NOL4: variants seen among roughly 807,000 people sequenced by gnomAD.
The protein encoded by NOL4 is nucleolar protein 4, also known as cancer/testis antigen 125.
NOL4 carries 17 observed loss-of-function variants against 75.9 expected under a neutral mutation model. That is an observed-to-expected ratio of 0.22 (90% CI 0.15 to 0.34). NOL4 has a LOEUF of 0.34. Ranked by LOEUF, NOL4 falls within the 10% of genes least tolerant of loss-of-function variation. The probability of loss-of-function intolerance (pLI) is 1.00; values close to 1 mark genes in which losing one functional copy is unlikely to be tolerated. For synonymous variants in NOL4, 292 were observed against 289.9 expected (o/e 1.01, Z -0.07); for missense variants, 614 against 793.5 (o/e 0.77, Z 2.72).
chr18:34,103,761 G>T lies in NOL4; in HGVS notation c.639+286C>A, dbSNP rs919116925. The stretch of plus-strand genomic sequence containing the variant: ...GAACTTACCCCCTCTGAACTTTGTA[G>T]CACTTTACCAAGGCCAGCTCAGTGA... On this transcript the variant is annotated intron_variant, in intron 4 of 10. Transcript: ENST00000261592. Among the ~76,000 whole-genome samples the T allele has an allele frequency of 2.0e-5, 3 of 151,866 alleles. No homozygotes were observed. In the South Asian group the frequency reaches 6.2e-4, roughly 31 times the overall value.
At chr18:34,015,551 C>A in intron 6 of NOL4, among the ~76,000 whole-genome samples, 1 of 151,984 alleles carries the variant, frequency 6.6e-6, no homozygotes, top group East Asian at 1.9e-4. Context: ...TTTTATATCA[C>A]TTGTTCCTAA....
chr18:33,969,237 T>A (rs1049092282), intron 6 of NOL4, among the ~76,000 whole-genome samples: 1 of 152,194 alleles, frequency 6.6e-6, no homozygotes, highest in African/African-American at 2.4e-5. Flanking sequence ...ATATAATTCA[T>A]TCCTCTTCAT....
chr18:33,909,846 T>G (rs180720767), intron 9 of NOL4, among the ~76,000 whole-genome samples: 1 of 150,272 alleles, frequency 6.7e-6, no homozygotes, highest in African/African-American at 2.5e-5. Context: ...AAAAAAAAAA[T>G]TATTTCATGC....
chr18:33,970,826 A>G (rs1335147486), intron 6 of NOL4, among the ~76,000 whole-genome samples: 2 of 152,052 alleles, frequency 1.3e-5, no homozygotes, highest in Non-Finnish European at 2.9e-5. Context: ...CTGGACAATT[A>G]TATGTTTGAT....
At chr18:33,986,116 T>G (rs2072431288) in intron 6 of NOL4, among the ~76,000 whole-genome samples, 1 of 152,142 alleles carries the variant, frequency 6.6e-6, no homozygotes, top group Non-Finnish European at 1.5e-5. Flanking sequence ...ATACGAACTT[T>G]CTAATTATGT....
intron 6 of NOL4, among the ~76,000 whole-genome samples, chr18:34,006,744 T>A (rs2074049798): frequency 6.6e-6 from 1 of 152,054 alleles, no homozygotes; most frequent in Admixed American, 6.6e-5. Context: ...TTGGTCTTAC[T>A]ATGTTCCCTA....
chr18:34,072,518 CTT>C (rs558597655), intron 5 of NOL4, among the ~76,000 whole-genome samples: 130 of 152,074 alleles, frequency 8.5e-4, no homozygotes, highest in Non-Finnish European at 1.6e-3. Context: ...TTTAACATGT[CTT>C]TATGGCAAAT....
chr18:34,031,500 ACTT>A (rs756407670), intron 5 of NOL4, among the ~76,000 whole-genome samples: 6 of 152,088 alleles, frequency 3.9e-5, no homozygotes, highest in Non-Finnish European at 8.8e-5. Context: ...TAATCCACTA[ACTT>A]CTTATTGATT....
rs145045791 is a variant in NOL4, at chr18:33,985,813, T to G, written c.1057-27395A>C. Among the ~76,000 whole-genome samples, 629 of 152,268 alleles carry G rather than the reference T, an allele frequency of 4.1e-3. 3 individuals are homozygous for G. The highest frequency in any genetic ancestry group is 0.014 in the African/African-American group (598 of 41,582). ...ATGAAATACAGAAGTAGATTTAAAA[T>G]GAATGCAAAGTTCTGACTTCCTTAA... is the stretch of plus-strand genomic sequence containing the variant. On this transcript the variant is annotated intron_variant, in intron 6 of 10. Coordinates refer to ENST00000261592, the MANE Select transcript of NOL4 (RefSeq NM_003787.5).
chr18:33,920,707 G>A (rs1346467893), intron 9 of NOL4, among the ~76,000 whole-genome samples: 1 of 152,208 alleles, frequency 6.6e-6, no homozygotes, highest in East Asian at 1.9e-4. Context: ...GGAAGAATGT[G>A]TAAAGAATAC....
In NOL4 at chr18:33,908,292, C is replaced by A. The variant is rs1042752015; in HGVS notation, c.1543-24868G>T. ...AGTAAATTTTCATCTTTTCATATTT[C>A]TTTTCGAGCAAGTAGAAAAACTTGG... On this transcript the variant is annotated intron_variant, in intron 9 of 10. Coordinates refer to ENST00000261592, the MANE Select transcript of NOL4 (RefSeq NM_003787.5). 2.0e-5 allele frequency among the ~76,000 whole-genome samples: 3 copies of A among 152,118 alleles called. No homozygotes were observed. The East Asian group carries it at 5.8e-4, about 29-fold the overall frequency.
intron 10 of NOL4, among the ~76,000 whole-genome samples, chr18:33,857,787 A>G (rs1420091298): frequency 6.6e-6 from 1 of 152,128 alleles, no homozygotes; most frequent in African/African-American, 2.4e-5. Flanking sequence ...CCACAATACA[A>G]CTGCTAATGG....
At chr18:34,063,428 C>T (rs371565674) in intron 5 of NOL4, among the ~76,000 whole-genome samples, 4 of 152,098 alleles carry the variant, frequency 2.6e-5, no homozygotes, top group African/African-American at 9.7e-5. Context: ...CATTTGCACT[C>T]CATCTTACCC....
chr18:33,873,137 A>G (rs1435635247), intron 10 of NOL4, among the ~76,000 whole-genome samples: 1 of 151,986 alleles, frequency 6.6e-6, no homozygotes, highest in Non-Finnish European at 1.5e-5. Context: ...AGATCTTCCA[A>G]TTGTGTAAAG....
At position 34,194,426 on chromosome 18, in the gene NOL4, G is replaced by GGGAAGGAAGGAAGGAAGGAA. The variant is rs796904055; in HGVS notation, c.264+28544_264+28563dup. On this transcript the variant is annotated intron_variant, in intron 1 of 10. Coordinates refer to ENST00000261592, the MANE Select transcript of NOL4 (RefSeq NM_003787.5). The stretch of plus-strand genomic sequence containing the variant: ...AAAAAGGTAGGGAAGGAGGGAGGGA[G>GGGAAGGAAGGAAGGAAGGAA]GGAAGGAAGGAAGGAAGGAAGGAAG... Among the ~76,000 whole-genome samples the GGGAAGGAAGGAAGGAAGGAA allele has an allele frequency of 4.1e-3, 521 of 127,974 alleles. 2 individuals carry two copies. The highest frequency in any genetic ancestry group is 4.9e-3 in the Non-Finnish European group (298 of 60,660). 84.0% of individuals were successfully genotyped at this position (127,974 alleles called of 152,430 possible).
At chr18:34,077,793 G>T (rs1241510629) in intron 5 of NOL4, among the ~76,000 whole-genome samples, 2 of 152,094 alleles carry the variant, frequency 1.3e-5, no homozygotes, top group Non-Finnish European at 2.9e-5. Flanking sequence ...GGTTATTAGA[G>T]TAACTGATAA....
chr18:33,950,868 T>C (rs746975086), intron 8 of NOL4, among the ~76,000 whole-genome samples: 45 of 152,272 alleles, frequency 3.0e-4, no homozygotes, highest in Middle Eastern at 3.4e-3. Context: ...TTAAATTGCA[T>C]TTTATCACAT....
At chr18:33,919,023 T>A (rs2066885149) in intron 9 of NOL4, among the ~76,000 whole-genome samples, 1 of 152,144 alleles carries the variant, frequency 6.6e-6, no homozygotes, top group East Asian at 1.9e-4. Flanking sequence ...AAATACCTTT[T>A]ATTTTTATGT....
intron 9 of NOL4, among the ~76,000 whole-genome samples, chr18:33,899,366 T>G (rs2065611831): frequency 6.6e-6 from 1 of 152,282 alleles, no homozygotes; most frequent in East Asian, 1.9e-4. Flanking sequence ...ATCTTTTCTG[T>G]TTGCTGGCTC....
Sources: gnomAD v4.1 joint callset for allele counts (sites outside exome capture counted in the v4.1 genomes callset) on GRCh38, gnomAD v4.1.1 for gene constraint, MANE v1.5 for transcripts, NCBI Gene and HGNC (gene_info 2026-07-23, HGNC 2026-07-21) for gene names.